The following RRN3 variants were observed in gnomAD, a reference collection of about 807,000 sequenced individuals.
RRN3 encodes the protein RNA polymerase I-specific transcription initiation factor RRN3.
In RRN3, 38 loss-of-function variants were observed where a neutral mutation model predicts 82.3. The observed-to-expected ratio is 0.46, with a 90% CI of 0.36 to 0.61. The LOEUF (loss-of-function observed/expected upper bound fraction) is 0.61. Ranked by LOEUF, RRN3 falls within the 20% of genes least tolerant of loss-of-function variation. RRN3 has a pLI of 0.00. For synonymous variants in RRN3, 284 were observed against 284.3 expected, an observed-to-expected ratio of 1.00 and a Z score of 0.01; for missense variants, 726 against 793.1, an observed-to-expected ratio of 0.92 and a Z score of 1.02.
At chr16:15,066,558 C>G (rs1018783328) in intron 15 of RRN3, among the ~76,000 whole-genome samples, 2 of 151,332 alleles carry the variant, frequency 1.3e-5, no homozygotes, top group African/African-American at 2.4e-5. Flanking sequence ...GCATGAGCCT[C>G]GGAGGTGGTG....
chr16:15,068,535 C>T (rs1048559448), intron 14 of RRN3, among the ~76,000 whole-genome samples: 5 of 152,134 alleles, frequency 3.3e-5, no homozygotes, highest in African/African-American at 4.8e-5. Flanking sequence ...TAAGATTCCA[C>T]GACAATGTGA....
intron 11 of RRN3, among the ~76,000 whole-genome samples, chr16:15,074,478 T>C (rs753362727): frequency 5.3e-5 from 8 of 152,198 alleles, no homozygotes; most frequent in Admixed American, 1.3e-4. Context: ...AAACTCCATA[T>C]ATAATCTTTC....
At chr16:15,088,853 C>T (rs2046007701) in intron 3 of RRN3, among the ~76,000 whole-genome samples, 1 of 152,002 alleles carries the variant, frequency 6.6e-6, no homozygotes, top group South Asian at 2.1e-4. Context: ...CTAGAGAGAT[C>T]TGGAAGTGTG....
At chr16:15,073,803 G>A (rs1482561034) in intron 11 of RRN3, among the ~76,000 whole-genome samples, 4 of 151,580 alleles carry the variant, frequency 2.6e-5, no homozygotes, top group African/African-American at 9.7e-5. Flanking sequence ...TTTTTTTTTA[G>A]AGATGGGGTC....
chr16:15,082,339 C>A (rs2151805121), intron 8 of RRN3, among the ~76,000 whole-genome samples: 1 of 152,084 alleles, frequency 6.6e-6, no homozygotes, highest in African/African-American at 2.4e-5. Flanking sequence ...GTCCTTTGTT[C>A]TATTGCTACA....
intron 3 of RRN3, among the ~76,000 whole-genome samples, chr16:15,087,350 C>T (rs1396384978): frequency 6.6e-6 from 1 of 152,154 alleles, no homozygotes; most frequent in Non-Finnish European, 1.5e-5. Context: ...TCCCATTTTG[C>T]TGTTCAGGAA....
intron 9 of RRN3, among the ~76,000 whole-genome samples, chr16:15,077,843 C>A (rs976006375): frequency 6.6e-6 from 1 of 152,130 alleles, no homozygotes; most frequent in East Asian, 1.9e-4. Flanking sequence ...CCATCTCAAA[C>A]AAACAAACAA....
At position 15,083,574 on chromosome 16, in the gene RRN3, C is replaced by A; in HGVS notation, c.605G>T (p.Trp202Leu). 6.2e-7 allele frequency: 1 copy of A among 1,606,728 alleles called. No individual in the cohort carries two copies. The highest frequency in any genetic ancestry group is 8.5e-7 in the Non-Finnish European group (1 of 1,178,048). The change falls in exon 8 of 18, where the codon TGG (tryptophan) becomes TTG (leucine). Residue 202 changes from tryptophan to leucine, a missense_variant. Around this residue, in one of 4 missense-constraint regions of RRN3, gnomAD observed 344 missense variants for 394.5 expected, o/e 0.87. Coordinates refer to ENST00000198767, the MANE Select transcript of RRN3 (RefSeq NM_018427.5). ...IIARYVPSTPWFLMPILVEKF... is the reference protein window; with the variant it reads ...IIARYVPSTPLFLMPILVEKF... ...TTCCACCAGTATTGGCATGAGAAACCACGGTGTCCTATTTTTAAAAAATTA... is the reference window on the plus strand; with the variant it reads ...TTCCACCAGTATTGGCATGAGAAACAACGGTGTCCTATTTTTAAAAAATTA...
In RRN3 at chr16:15,086,222, C is replaced by T. The variant is rs1277477950; in HGVS notation, c.379G>A (p.Glu127Lys). The T allele has an allele frequency of 5.0e-6, 8 of 1,584,338 alleles. No individual in the cohort carries two copies. Among genetic ancestry groups the T allele is most frequent in the Non-Finnish European group, 6.0e-6 (7 of 1,157,536 alleles). Residue 127 changes from glutamate to lysine, a missense_variant, in exon 5 of 18, where the codon GAA becomes AAA. Physicochemically the swap from Glu to Lys is moderately conservative, Grantham distance 56. Around this residue, in one of 4 missense-constraint regions of RRN3, gnomAD observed 344 missense variants for 394.5 expected, o/e 0.87. Transcript: ENST00000198767. ...PWLNRSQTVV[E>K]EYLAFLGNLV... Reference sequence around the variant, plus strand: ...TTACCAAGAAAAGCCAAATACTCTTCCACTACTGTTTGACTTCTATTCAAC... The same window carrying T: ...TTACCAAGAAAAGCCAAATACTCTTTCACTACTGTTTGACTTCTATTCAAC...
At position 15,061,560 on chromosome 16, in the gene RRN3, C is replaced by T; in HGVS notation, c.*184G>A. 4.1e-6 allele frequency: 2 copies of T among 484,334 alleles called. No individual in the cohort carries two copies. The highest frequency in any genetic ancestry group is 7.4e-6 in the Non-Finnish European group (2 of 271,436). 30.0% of individuals were successfully genotyped at this position (484,334 alleles called of 1,614,324 possible). ...GTCTTCATTTTGTCTGTAAGGGGAA[C>T]AACAACAACAAAAAAACCCAGTCTT... On this transcript the variant is annotated 3_prime_UTR_variant, in exon 18 of 18. Coordinates refer to ENST00000198767, the MANE Select transcript of RRN3 (RefSeq NM_018427.5).
chr16:15,079,356 G>T (rs145059986), intron 9 of RRN3, among the ~76,000 whole-genome samples: 2 of 152,126 alleles, frequency 1.3e-5, no homozygotes, highest in Non-Finnish European at 2.9e-5. Context: ...CTTAAGAAAG[G>T]CCAAACAGGA....
At chr16:15,076,677 A>T (rs1472258601) in intron 9 of RRN3, 27 bp from the exon 10 acceptor site, 2 of 1,469,240 alleles carry the variant, frequency 1.4e-6, no homozygotes, top group Non-Finnish European at 1.9e-6. Flanking sequence ...AAAAAAAAGA[A>T]TAAAAGGATT....
At chr16:15,084,448 A>C (rs1274114415) in intron 7 of RRN3, among the ~76,000 whole-genome samples, 194 bp downstream of exon 7, 1 of 149,974 alleles carries the variant, frequency 6.7e-6, no homozygotes, top group Non-Finnish European at 1.5e-5. Flanking sequence ...ACAAACTTTG[A>C]AAAACAATTA....
chr16:15,085,713 A>T lies in RRN3; in HGVS notation c.473-15T>A. The T allele has an allele frequency of 1.2e-6, 2 of 1,612,912 alleles. No individual in the cohort carries two copies. Among genetic ancestry groups the T allele is most frequent in the Non-Finnish European group, 1.7e-6 (2 of 1,179,748 alleles). On this transcript the variant is annotated splice_polypyrimidine_tract_variant and intron_variant, in intron 5 of 17. Coordinates refer to ENST00000198767, the MANE Select transcript of RRN3 (RefSeq NM_018427.5). ...GATCACTCGGGCTTTTGAGGGAAAA[A>T]GAAAATATGTTATTCTGTCATTGAT...
intron 13 of RRN3, 27 bp from the exon 14 acceptor site, chr16:15,070,281 C>G (rs771782763): frequency 3.1e-6 from 5 of 1,609,094 alleles, no homozygotes; most frequent in Non-Finnish European, 2.5e-6. Flanking sequence ...TTCAAGTCAA[C>G]TTTACACATC....
intron 3 of RRN3, among the ~76,000 whole-genome samples, chr16:15,089,292 C>T (rs989165085): frequency 7.2e-5 from 11 of 151,900 alleles, no homozygotes; most frequent in African/African-American, 1.9e-4. Flanking sequence ...CTCTGTTCTG[C>T]CCGTCCCCAA....
At chr16:15,081,932 C>G (rs1399351240) in intron 8 of RRN3, among the ~76,000 whole-genome samples, 5 of 152,182 alleles carry the variant, frequency 3.3e-5, no homozygotes, top group African/African-American at 1.2e-4. Context: ...ATTCAATTGT[C>G]TTGAACAACT....
intron 11 of RRN3, among the ~76,000 whole-genome samples, chr16:15,074,283 G>T (rs1003370075): frequency 6.6e-6 from 1 of 152,032 alleles, no homozygotes. Flanking sequence ...TTCTGTTTTC[G>T]CCTGGCAAAG....
At chr16:15,089,967 G>A (rs1323565983) in intron 3 of RRN3, among the ~76,000 whole-genome samples, 1 of 151,796 alleles carries the variant, frequency 6.6e-6, no homozygotes, top group East Asian at 1.9e-4. Context: ...CCAGCACTTT[G>A]GGAGGCCAAG....
Sources: gnomAD v4.1 joint callset for allele counts (sites outside exome capture counted in the v4.1 genomes callset) on GRCh38, gnomAD v4.1.1 for gene constraint, gnomAD v4.1.1 regional missense constraint, MANE v1.5 for transcripts, NCBI Gene and HGNC (gene_info 2026-07-23, HGNC 2026-07-21) for gene names.